Variants in COL4A6 observed in about 807,000 individuals in gnomAD.
COL4A6 encodes collagen type IV alpha 6 chain.
Under a neutral mutation model 126.7 loss-of-function variants are expected in COL4A6, and 59 were observed. The ratio of observed to expected loss-of-function variants is 0.47; its 90% CI spans 0.38 to 0.58. COL4A6 has a LOEUF of 0.58. Among genes scored for constraint, COL4A6 ranks in the 20% least tolerant of loss-of-function variants. The pLI is 0.00. For missense variants in COL4A6, 1,285 were observed against 1,337.3 expected (o/e 0.96, Z 0.61); for synonymous variants, 547 against 496.6 (o/e 1.10, Z -1.35).
intron 2 of COL4A6, among the ~76,000 whole-genome samples, chrX:108,437,461 A>G (rs1000623203): frequency 7.1e-5 from 8 of 111,958 alleles, no homozygotes; most frequent in African/African-American, 2.6e-4. Context: ...GTAGTTAAAG[A>G]ATCCAGATGT....
chrX:108,269,103 C>G, intron 3 of COL4A6: 1 of 338,704 alleles, frequency 3.0e-6, no homozygotes, highest in Admixed American at 3.0e-5. Context: ...CAGAACCTCA[C>G]TGAAATGGTA....
chrX:108,337,858 G>A (rs970623957), intron 2 of COL4A6, among the ~76,000 whole-genome samples: 6 of 111,793 alleles, frequency 5.4e-5, no homozygotes, highest in Admixed American at 1.9e-4. Context: ...GGAACATTTA[G>A]CCTAGTTGTA....
At chrX:108,164,842 G>C in intron 39 of COL4A6, 35 bp downstream of exon 39, 2 of 1,191,515 alleles carry the variant, frequency 1.7e-6, no homozygotes, top group Non-Finnish European at 2.3e-6. Flanking sequence ...GCCGTGGAGT[G>C]GGGAAGGGCC....
chrX:108,427,792 G>A (rs7060905), intron 2 of COL4A6, among the ~76,000 whole-genome samples: 8,251 of 111,533 alleles, frequency 0.074, 673 homozygotes, highest in African/African-American at 0.23. Flanking sequence ...TAGGGAGTCC[G>A]GATAAGAGAT....
At chrX:108,217,770 G>A (rs143569584) in intron 5 of COL4A6, among the ~76,000 whole-genome samples, 115 of 111,806 alleles carry the variant, frequency 1.0e-3, no homozygotes, top group African/African-American at 3.6e-3. Context: ...GGGATTTTAT[G>A]GAGTAATGAG....
intron 3 of COL4A6, among the ~76,000 whole-genome samples, chrX:108,300,368 G>C (rs5973823): frequency 0.069 from 3,876 of 56,202 alleles, 190 homozygotes; most frequent in African/African-American, 0.27. Flanking sequence ...CTCTCTCTCT[G>C]TGTGTGTGTG....
intron 2 of COL4A6, among the ~76,000 whole-genome samples, chrX:108,332,556 G>A (rs1321454519): frequency 5.4e-5 from 6 of 112,076 alleles, no homozygotes; most frequent in African/African-American, 1.9e-4. Context: ...ACTGCTGTAA[G>A]AAGGTATGTC....
chrX:108,392,816 A>T (rs1214976670), intron 2 of COL4A6, among the ~76,000 whole-genome samples: 6 of 111,893 alleles, frequency 5.4e-5, no homozygotes, highest in Non-Finnish European at 3.8e-5. Flanking sequence ...TCCATGAAAC[A>T]GAAAGTGGGC....
chrX:108,289,451 T>C (rs1358975836), intron 3 of COL4A6, among the ~76,000 whole-genome samples: 1 of 111,658 alleles, frequency 9.0e-6, no homozygotes, highest in Non-Finnish European at 1.9e-5. Flanking sequence ...ATGGGTGTTC[T>C]TTGTACTATT....
At chrX:108,269,688 T>G (rs1410969067) in intron 3 of COL4A6, among the ~76,000 whole-genome samples, 1 of 112,166 alleles carries the variant, frequency 8.9e-6, no homozygotes, top group African/African-American at 3.2e-5. Flanking sequence ...AATACTCCCA[T>G]TCTTCAAAGA....
chrX:108,242,817 C>A (rs1165759843), intron 3 of COL4A6, among the ~76,000 whole-genome samples: 1 of 111,226 alleles, frequency 9.0e-6, no homozygotes, highest in Non-Finnish European at 1.9e-5. Flanking sequence ...TCAAACTCAC[C>A]AGTGCACCAC....
chrX:108,371,480 A>C (rs761182508), intron 2 of COL4A6, among the ~76,000 whole-genome samples: 24 of 109,687 alleles, frequency 2.2e-4, no homozygotes, highest in Non-Finnish European at 4.4e-4. Context: ...ACATTAAAAA[A>C]ATTCTAAACA....
At chrX:108,243,132 C>T (rs149485161) in intron 3 of COL4A6, among the ~76,000 whole-genome samples, 6 of 111,708 alleles carry the variant, frequency 5.4e-5, no homozygotes, top group South Asian at 3.8e-4. Flanking sequence ...GCTGCTGAAG[C>T]GACTTCACAT....
At chrX:108,430,427 C>T (rs1166468787) in intron 2 of COL4A6, among the ~76,000 whole-genome samples, 1 of 111,497 alleles carries the variant, frequency 9.0e-6, no homozygotes, top group African/African-American at 3.3e-5. Context: ...TTAAATGTGC[C>T]AAACCAAGTA....
At chrX:108,389,491 A>T (rs2040781697) in intron 2 of COL4A6, among the ~76,000 whole-genome samples, 1 of 109,666 alleles carries the variant, frequency 9.1e-6, no homozygotes, top group African/African-American at 3.3e-5. Context: ...CTCTCTTTTG[A>T]TCTTTGTTGG....
chrX:108,303,083 T>G (rs1044571834), intron 3 of COL4A6, among the ~76,000 whole-genome samples: 21 of 108,202 alleles, frequency 1.9e-4, no homozygotes, highest in Admixed American at 1.4e-3. Flanking sequence ...TAAAGTACAT[T>G]GCAGCAACTC....
intron 2 of COL4A6, among the ~76,000 whole-genome samples, chrX:108,408,837 T>C (rs936540040): frequency 5.4e-5 from 6 of 111,193 alleles, no homozygotes; most frequent in African/African-American, 2.0e-4. Context: ...GGCACATGCC[T>C]ATAATCCCGG....
chrX:108,271,664 A>T (rs181524588), intron 3 of COL4A6, among the ~76,000 whole-genome samples: 1 of 111,018 alleles, frequency 9.0e-6, no homozygotes, highest in East Asian at 2.8e-4. Context: ...AGCGAAAAAC[A>T]CAAATCATAA....
chrX:108,224,710 C>T (rs376884897), intron 3 of COL4A6, among the ~76,000 whole-genome samples: 1 of 112,112 alleles, frequency 8.9e-6, no homozygotes, highest in Non-Finnish European at 1.9e-5. Context: ...CATCCAGATA[C>T]GCTTACTTTG....
Sources: allele counts gnomAD v4.1 joint callset (sites outside exome capture counted in the v4.1 genomes callset), GRCh38; gene constraint gnomAD v4.1.1; transcripts MANE v1.5; gene names NCBI Gene and HGNC (gene_info 2026-07-23, HGNC 2026-07-21).